The following NOX3 variants were observed in gnomAD, a reference collection of about 807,000 sequenced individuals.
NOX3 encodes NADPH oxidase 3.
NOX3 carries 74 observed loss-of-function variants against 76.7 expected under a neutral mutation model. The observed-to-expected ratio is 0.96, with a 90% CI of 0.80 to 1.17. The LOEUF (loss-of-function observed/expected upper bound fraction) is 1.17, where lower values mean the gene tolerates loss of function less well. NOX3 is among the 50% of genes most tolerant of loss of function. The pLI, the probability that NOX3 is intolerant of heterozygous loss-of-function variation, is 0.00. For missense variants in NOX3, 695 were observed against 703.3 expected (o/e 0.99, Z 0.13); for synonymous variants, 263 against 261.1 (o/e 1.01, Z -0.07).
chr6:155,416,050 A>C (rs991964980), intron 10 of NOX3, among the ~76,000 whole-genome samples: 6 of 152,206 alleles, frequency 3.9e-5, no homozygotes, highest in Non-Finnish European at 8.8e-5. Context: ...TGCTCCATGA[A>C]GGGGAAGCCC....
chr6:155,455,611 C>G, intron 1 of NOX3, 142 bp downstream of exon 1: 1 of 586,092 alleles, frequency 1.7e-6, no homozygotes, highest in Non-Finnish European at 3.0e-6. Context: ...TTAAATACAT[C>G]TACTGAATGT....
chr6:155,399,162 G>A (rs762858432), intron 12 of NOX3, among the ~76,000 whole-genome samples: 5 of 152,204 alleles, frequency 3.3e-5, no homozygotes, highest in Non-Finnish European at 7.3e-5. Context: ...GCCCAGAGGT[G>A]TCCTTGCATC....
At chr6:155,407,532 G>A (rs374625595) in intron 11 of NOX3, among the ~76,000 whole-genome samples, 12 of 152,254 alleles carry the variant, frequency 7.9e-5, no homozygotes, top group African/African-American at 2.2e-4. Context: ...TCCTTTAAAA[G>A]GATGAAAGTA....
intron 13 of NOX3, among the ~76,000 whole-genome samples, chr6:155,396,260 G>A (rs996516703): frequency 1.2e-4 from 18 of 152,116 alleles, no homozygotes; most frequent in Non-Finnish European, 1.6e-4. Context: ...TGATTTCTCC[G>A]GTCTACAGAG....
rs947016505 is a variant in NOX3 at position 155,400,346 on chromosome 6, G to A, written c.1581-3384C>T. On this transcript the variant is annotated intron_variant, in intron 12 of 13. Coordinates refer to ENST00000159060, the MANE Select transcript of NOX3 (RefSeq NM_015718.3). The stretch of plus-strand genomic sequence containing the variant: ...ATGTGTTGGCTTTTATGCTTGGTAA[G>A]TTATAACCCTGTAGGGGCAGACCCT... Among the ~76,000 whole-genome samples, 129 of 152,242 alleles carry A rather than the reference G, an allele frequency of 8.5e-4. 1 individual carries two copies. The highest frequency in any genetic ancestry group is 3.0e-3 in the African/African-American group (126 of 41,534).
intron 9 of NOX3, among the ~76,000 whole-genome samples, chr6:155,423,905 T>C (rs566203250): frequency 6.6e-6 from 1 of 152,186 alleles, no homozygotes; most frequent in East Asian, 1.9e-4. Flanking sequence ...CACGCCCAGC[T>C]AATTTTTTTG....
At position 155,442,503 on chromosome 6, in the gene NOX3, C is replaced by T. The variant is rs17086318; in HGVS notation, c.486+770G>A. On this transcript the variant is annotated intron_variant, in intron 5 of 13. Coordinates refer to ENST00000159060, the MANE Select transcript of NOX3 (RefSeq NM_015718.3). ...TTCATTGCTGAAGTGTATTGCCTTACGGCTTTTCTTGGGCAATAAAGATAT... is the reference window on the plus strand; with the variant it reads ...TTCATTGCTGAAGTGTATTGCCTTATGGCTTTTCTTGGGCAATAAAGATAT... Among the ~76,000 whole-genome samples, 1,232 of 152,230 alleles carry T rather than the reference C, an allele frequency of 8.1e-3. 20 individuals are homozygous for T. Among genetic ancestry groups the T allele is most frequent in the African/African-American group, 0.028 (1,146 of 41,524 alleles).
intron 9 of NOX3, among the ~76,000 whole-genome samples, chr6:155,426,167 T>C (rs1776752196): frequency 6.6e-6 from 1 of 152,186 alleles, no homozygotes; most frequent in South Asian, 2.1e-4. Flanking sequence ...TTGCCACTAA[T>C]ACATATGCCT....
intron 9 of NOX3, among the ~76,000 whole-genome samples, chr6:155,424,953 T>C (rs1234384654): frequency 6.6e-6 from 1 of 152,250 alleles, no homozygotes; most frequent in Non-Finnish European, 1.5e-5. Flanking sequence ...AACAAATTTC[T>C]ACATCTTTAG....
chr6:155,432,379 C>T (rs1458629513), intron 7 of NOX3, among the ~76,000 whole-genome samples: 1 of 142,178 alleles, frequency 7.0e-6, no homozygotes, highest in African/African-American at 2.7e-5. Context: ...TCTAAATCCA[C>T]CACCTTACTC....
intron 4 of NOX3, among the ~76,000 whole-genome samples, chr6:155,445,042 C>T (rs1460376423): frequency 1.3e-5 from 2 of 152,192 alleles, no homozygotes; most frequent in East Asian, 3.8e-4. Context: ...AGCTTAAGAA[C>T]CCAGCATCGT....
At position 155,407,255 on chromosome 6, in the gene NOX3, C is replaced by T; in HGVS notation, c.1456-1G>A. 4 of 1,607,592 alleles carry T rather than the reference C, an allele frequency of 2.5e-6. No homozygotes were observed. Among genetic ancestry groups the T allele is most frequent in the Non-Finnish European group, 3.4e-6 (4 of 1,177,008 alleles). On this transcript the variant is annotated splice_acceptor_variant, in intron 11 of 13. Coordinates refer to ENST00000159060, the MANE Select transcript of NOX3 (RefSeq NM_015718.3). LOFTEE classifies it high-confidence loss of function. The stretch of plus-strand genomic sequence containing the variant: ...CCCAGTGTAAAGCTATGTGAAGAGC[C>T]TAAAGTAAATTTGTGGCATTAGATG...
intron 3 of NOX3, among the ~76,000 whole-genome samples, chr6:155,454,266 G>A (rs553987037): frequency 1.3e-5 from 2 of 152,154 alleles, no homozygotes; most frequent in South Asian, 2.1e-4. Flanking sequence ...GCATAATACA[G>A]TATTTTACCT....
chr6:155,446,729 C>T (rs1427423371), intron 4 of NOX3, among the ~76,000 whole-genome samples: 2 of 152,126 alleles, frequency 1.3e-5, no homozygotes, highest in East Asian at 1.9e-4. Flanking sequence ...AGAGTCCAAC[C>T]GTTTCTAAGG....
chr6:155,420,196 G>A (rs577587691), intron 10 of NOX3, among the ~76,000 whole-genome samples: 50 of 152,288 alleles, frequency 3.3e-4, no homozygotes, highest in African/African-American at 1.2e-3. Flanking sequence ...GTGATTGTGA[G>A]TCGGGTGTAA....
intron 7 of NOX3, among the ~76,000 whole-genome samples, chr6:155,432,822 G>C (rs953090107): frequency 5.3e-5 from 8 of 152,200 alleles, no homozygotes; most frequent in African/African-American, 1.7e-4. Context: ...TGTGGATGAG[G>C]TGGTGAAGAT....
chr6:155,402,716 A>G (rs1779247558), intron 12 of NOX3, among the ~76,000 whole-genome samples: 1 of 151,958 alleles, frequency 6.6e-6, no homozygotes, highest in Non-Finnish European at 1.5e-5. Flanking sequence ...TATTCTTTTG[A>G]TTTAACTCCT....
At chr6:155,414,495 A>T (rs1386016744) in intron 10 of NOX3, among the ~76,000 whole-genome samples, 2 of 152,204 alleles carry the variant, frequency 1.3e-5, no homozygotes, top group Admixed American at 1.3e-4. Context: ...ACCTGAGTTT[A>T]CTTTAAAAGA....
At chr6:155,421,940 T>C (rs1207426842) in intron 10 of NOX3, among the ~76,000 whole-genome samples, 3 of 152,178 alleles carry the variant, frequency 2.0e-5, no homozygotes, top group Non-Finnish European at 4.4e-5. Context: ...CATTGAGACC[T>C]GGTGGTTAAG....
Sources: gnomAD v4.1 joint callset for allele counts (sites outside exome capture counted in the v4.1 genomes callset) on GRCh38, gnomAD v4.1.1 for gene constraint, MANE v1.5 for transcripts, NCBI Gene and HGNC (gene_info 2026-07-23, HGNC 2026-07-21) for gene names.